Variants in GLI3 observed in about 807,000 individuals in gnomAD.
GLI3 encodes the protein transcription activator GLI3.
GLI3 carries 20 observed loss-of-function variants against 100.8 expected under a neutral mutation model. That is an observed-to-expected ratio of 0.20 (90% CI 0.14 to 0.29). The LOEUF is 0.29. GLI3 is among the 10% of genes least tolerant of loss of function. The pLI is 1.00. For missense variants in GLI3, 2,040 were observed against 2,128.5 expected, an observed-to-expected ratio of 0.96 and a Z score of 0.82; for synonymous variants, 938 against 860.5, an observed-to-expected ratio of 1.09 and a Z score of -1.58.
intron 10 of GLI3, among the ~76,000 whole-genome samples, chr7:41,995,568 C>T (rs1420983035): frequency 1.3e-5 from 2 of 152,084 alleles, no homozygotes; most frequent in Non-Finnish European, 1.5e-5. Flanking sequence ...AACTTTCTAC[C>T]CACTATGTAG....
intron 2 of GLI3, among the ~76,000 whole-genome samples, chr7:42,208,654 C>T (rs1347441012): frequency 2.0e-5 from 3 of 152,158 alleles, no homozygotes; most frequent in African/African-American, 7.2e-5. Flanking sequence ...AAATTAGCAT[C>T]AAAGAAATTT....
chr7:42,044,168 A>G (rs1348301896), intron 6 of GLI3, among the ~76,000 whole-genome samples: 1 of 152,228 alleles, frequency 6.6e-6, no homozygotes, highest in Non-Finnish European at 1.5e-5. Context: ...ACTAGAGGAC[A>G]TATGCTCGCC....
At chr7:41,982,404 A>C (rs1787696174) in intron 10 of GLI3, among the ~76,000 whole-genome samples, 1 of 152,230 alleles carries the variant, frequency 6.6e-6, no homozygotes, top group South Asian at 2.1e-4. Flanking sequence ...CATGTGTTCT[A>C]AATATTTACT....
intron 4 of GLI3, among the ~76,000 whole-genome samples, chr7:42,062,845 T>C (rs1377724048): frequency 6.6e-6 from 1 of 152,074 alleles, no homozygotes; most frequent in African/African-American, 2.4e-5. Context: ...ACTGTGCAGA[T>C]GATAAGGCAG....
intron 2 of GLI3, among the ~76,000 whole-genome samples, chr7:42,181,104 A>G (rs1177859847): frequency 6.6e-6 from 1 of 152,214 alleles, no homozygotes; most frequent in Non-Finnish European, 1.5e-5. Flanking sequence ...GTGTTCCAAT[A>G]AAACTTTACT....
intron 2 of GLI3, among the ~76,000 whole-genome samples, chr7:42,198,712 T>C (rs925996901): frequency 2.6e-5 from 4 of 151,936 alleles, no homozygotes; most frequent in African/African-American, 9.7e-5. Context: ...TAAAAATCAG[T>C]ACTTCCCTCT....
chr7:42,242,001 T>C (rs187982387), upstream of GLI3, among the ~76,000 whole-genome samples: 3 of 152,334 alleles, frequency 2.0e-5, no homozygotes, highest in East Asian at 5.8e-4. Context: ...ACCAAACACT[T>C]CAGTAACCAG....
At chr7:42,091,016 C>T (rs1007110853) in intron 3 of GLI3, among the ~76,000 whole-genome samples, 1 of 152,246 alleles carries the variant, frequency 6.6e-6, no homozygotes. Flanking sequence ...TACAGCAGGG[C>T]CAACTACCCA....
intron 10 of GLI3, among the ~76,000 whole-genome samples, chr7:41,987,715 GAT>G (rs1274760598): frequency 6.6e-6 from 1 of 152,164 alleles, no homozygotes; most frequent in Non-Finnish European, 1.5e-5. Flanking sequence ...TGAAAAAGCA[GAT>G]AGTTTCTAAT....
upstream of GLI3, among the ~76,000 whole-genome samples, chr7:42,242,743 C>G (rs902347855): frequency 2.0e-5 from 3 of 152,138 alleles, no homozygotes; most frequent in Non-Finnish European, 2.9e-5. Context: ...TTGATCTTGT[C>G]TTTTAAGTTT....
At chr7:42,200,180 G>C (rs1314768696) in intron 2 of GLI3, among the ~76,000 whole-genome samples, 1 of 152,214 alleles carries the variant, frequency 6.6e-6, no homozygotes, top group African/African-American at 2.4e-5. Context: ...CCGTCATGGA[G>C]GTCACGGAGA....
intron 3 of GLI3, among the ~76,000 whole-genome samples, chr7:42,121,224 G>A (rs574094748): frequency 1.3e-4 from 20 of 152,244 alleles, no homozygotes; most frequent in African/African-American, 3.4e-4. Context: ...TCAAACTTTC[G>A]CTGCATCAGC....
At chr7:42,081,540 A>T (rs1784996394) in intron 3 of GLI3, among the ~76,000 whole-genome samples, 2 of 152,194 alleles carry the variant, frequency 1.3e-5, no homozygotes, top group African/African-American at 4.8e-5. Flanking sequence ...CACGTTGAGC[A>T]TTAAGGGTCT....
intron 7 of GLI3, among the ~76,000 whole-genome samples, chr7:42,037,770 G>A (rs1784044972): frequency 6.6e-6 from 1 of 152,194 alleles, no homozygotes; most frequent in South Asian, 2.1e-4. Flanking sequence ...TTGTGGTATA[G>A]CTCCTTGGAG....
intron 3 of GLI3, among the ~76,000 whole-genome samples, chr7:42,093,618 A>G (rs1304077496): frequency 6.6e-6 from 1 of 152,208 alleles, no homozygotes; most frequent in Admixed American, 6.5e-5. Context: ...AGAATTTGGT[A>G]AACCTCAAAT....
upstream of GLI3, among the ~76,000 whole-genome samples, chr7:42,242,123 C>T (rs1219924551): frequency 6.6e-6 from 1 of 152,186 alleles, no homozygotes; most frequent in Non-Finnish European, 1.5e-5. Flanking sequence ...ATGACCATCT[C>T]TTATCCACCT....
At chr7:42,226,479 G>A (rs994874664) in intron 1 of GLI3, among the ~76,000 whole-genome samples, 3 of 152,172 alleles carry the variant, frequency 2.0e-5, no homozygotes, top group Non-Finnish European at 4.4e-5. Context: ...GTGAGAAGAG[G>A]TAAAGCTCCA....
At chr7:42,056,798 AAAATAAATAAAT>A (rs553929567) in intron 4 of GLI3, among the ~76,000 whole-genome samples, 4 of 148,500 alleles carry the variant, frequency 2.7e-5, no homozygotes, top group African/African-American at 7.5e-5. Context: ...TAAAAATACA[AAAATAAATAAAT>A]AAATAAATAA....
chr7:42,023,510 T>C lies in GLI3; in HGVS notation c.1455A>G (p.Glu485=), dbSNP rs1789005434. The change falls in exon 10 of 15, where the codon GAA becomes GAG. Residue 485 remains glutamate, a synonymous_variant. Transcript: ENST00000395925. ...GGGTGTCGAACTCCCTCGCGCAGCC[T>C]TCCCAGTGGCAGTTTGTCTCATAGA... ...EVIYETNCHW[E]GCAREFDTQE... 1 of 1,614,018 alleles carries C rather than the reference T, an allele frequency of 6.2e-7. No individual in the cohort carries two copies. The highest frequency in any genetic ancestry group is 1.1e-5 in the South Asian group (1 of 91,078).
Sources: allele counts gnomAD v4.1 joint callset (sites outside exome capture counted in the v4.1 genomes callset), GRCh38; gene constraint gnomAD v4.1.1; transcripts MANE v1.5; gene names NCBI Gene and HGNC (gene_info 2026-07-23, HGNC 2026-07-21).